F13A1: variants seen among roughly 807,000 people sequenced by gnomAD.
F13A1 encodes coagulation factor XIII A chain, also known as FSF, A subunit.
In F13A1, 47 loss-of-function variants were observed where a neutral mutation model predicts 80.1. The observed-to-expected ratio is 0.59, with a 90% CI of 0.46 to 0.75. F13A1 has a LOEUF of 0.75. F13A1 is among the 30% of genes least tolerant of loss of function. The probability of loss-of-function intolerance (pLI) is 0.00; values close to 1 mark genes in which losing one functional copy is unlikely to be tolerated. For synonymous variants in F13A1, 349 were observed against 344.9 expected (o/e 1.01, Z -0.13); for missense variants, 817 against 930.4 (o/e 0.88, Z 1.59).
intron 3 of F13A1, among the ~76,000 whole-genome samples, chr6:6,283,598 TA>T (rs1471970367): frequency 6.6e-6 from 1 of 152,000 alleles, no homozygotes; most frequent in Non-Finnish European, 1.5e-5. Context: ...TTTCGAAATT[TA>T]AAAAAAACTT....
At chr6:6,164,804 TCTC>T (rs1471192600) in intron 13 of F13A1, among the ~76,000 whole-genome samples, 1 of 141,360 alleles carries the variant, frequency 7.1e-6, no homozygotes, top group Non-Finnish European at 1.5e-5. Context: ...TCCTCTGTTC[TCTC>T]CTCTCCCCTC....
chr6:6,311,936 T>G (rs1292545631), intron 2 of F13A1, among the ~76,000 whole-genome samples: 1 of 147,534 alleles, frequency 6.8e-6, no homozygotes, highest in Non-Finnish European at 1.5e-5. Context: ...AATATATAGT[T>G]TTTATATATT....
At position 6,195,945 on chromosome 6, in the gene F13A1, G is replaced by A; in HGVS notation, c.1217-60C>T. On this transcript the variant is annotated intron_variant, in intron 9 of 14. Transcript: ENST00000264870. ...TCATCTCCAATTCTGTCCAGATACT[G>A]CAAGATTCATGGCACTGAGGGTGAC... The A allele has an allele frequency of 4.1e-6, 6 of 1,471,446 alleles. No individual in the cohort carries two copies. In the Admixed American group the frequency reaches 5.1e-5, roughly 12 times the overall value. The allele number at this position is 1,471,446 out of a possible 1,614,324, so 91.1% of individuals were successfully genotyped here.
At chr6:6,294,491 A>C (rs1244448182) in intron 3 of F13A1, among the ~76,000 whole-genome samples, 2 of 151,926 alleles carry the variant, frequency 1.3e-5, no homozygotes. Context: ...ATACTTAAAT[A>C]AACTCCCCTT....
chr6:6,300,999 C>T (rs57984581), intron 3 of F13A1, among the ~76,000 whole-genome samples: 8,496 of 152,188 alleles, frequency 0.056, 621 homozygotes, highest in African/African-American at 0.17. Flanking sequence ...TAAACCATCA[C>T]TTTTACCTTC....
intron 3 of F13A1, among the ~76,000 whole-genome samples, chr6:6,279,391 A>G (rs1758031185): frequency 6.6e-6 from 1 of 152,222 alleles, no homozygotes; most frequent in Admixed American, 6.5e-5. Context: ...GTTATAAACC[A>G]AACTGCATAC....
chr6:6,218,141 T>A (rs1180773009), intron 8 of F13A1, among the ~76,000 whole-genome samples: 6 of 152,218 alleles, frequency 3.9e-5, no homozygotes, highest in Non-Finnish European at 7.3e-5. Flanking sequence ...CAGGGAGGCT[T>A]CTTCATTTAG....
chr6:6,155,814 G>A (rs986484405), intron 13 of F13A1, among the ~76,000 whole-genome samples: 3 of 152,210 alleles, frequency 2.0e-5, no homozygotes, highest in African/African-American at 7.2e-5. Flanking sequence ...TATTTGGGGA[G>A]AAAATATCTG....
intron 2 of F13A1, among the ~76,000 whole-genome samples, chr6:6,311,515 C>T (rs1453304068): frequency 2.2e-5 from 2 of 90,590 alleles, no homozygotes; most frequent in Non-Finnish European, 4.2e-5. Context: ...GAATAGAAAA[C>T]CTAAGTCAAA....
At chr6:6,305,077 T>G in intron 3 of F13A1, 10 of 479,306 alleles carry the variant, frequency 2.1e-5, no homozygotes, top group East Asian at 4.0e-5. Flanking sequence ...GCCAAAACCA[T>G]TTGTTTGAGG....
chr6:6,145,872 C>T (rs912969447), intron 14 of F13A1, 100 bp from the exon 15 acceptor site: 9 of 1,524,410 alleles, frequency 5.9e-6, no homozygotes, highest in African/African-American at 1.4e-5. Flanking sequence ...CTTTCTTTCT[C>T]TCAGTTGGTG....
chr6:6,151,824 C>T lies in F13A1; in HGVS notation c.2034G>A (p.Lys678=). The T allele has an allele frequency of 6.2e-7, 1 of 1,614,070 alleles. No individual in the cohort carries two copies. The highest frequency in any genetic ancestry group is 8.5e-7 in the Non-Finnish European group (1 of 1,179,956). The change falls in exon 14 of 15, where the codon AAG becomes AAA. Residue 678 remains lysine (K), a synonymous_variant. Transcript: ENST00000264870. ...LDGPGVTRPM[K]KMFREIRPNS... ...AACCCAAGGTTTACCGGAACATCTTCTTCATTGGTCTTGTTACTCCAGGAC... is the reference window on the plus strand; with the variant it reads ...AACCCAAGGTTTACCGGAACATCTTTTTCATTGGTCTTGTTACTCCAGGAC...
At chr6:6,271,646 A>G (rs2113130452) in intron 3 of F13A1, among the ~76,000 whole-genome samples, 1 of 152,370 alleles carries the variant, frequency 6.6e-6, no homozygotes, top group Non-Finnish European at 1.5e-5. Flanking sequence ...TTGGACTACT[A>G]AACATGAGGA....
At chr6:6,239,522 C>T (rs150150192) in intron 6 of F13A1, among the ~76,000 whole-genome samples, 65 of 152,144 alleles carry the variant, frequency 4.3e-4, no homozygotes, top group East Asian at 3.9e-3. Flanking sequence ...ATATAACTAC[C>T]GATATATGAA....
At chr6:6,178,963 G>A (rs969037840) in intron 11 of F13A1, among the ~76,000 whole-genome samples, 1 of 152,238 alleles carries the variant, frequency 6.6e-6, no homozygotes, top group Non-Finnish European at 1.5e-5. Context: ...AATCAGGACA[G>A]AGTGTGCGCG....
intron 6 of F13A1, among the ~76,000 whole-genome samples, chr6:6,241,355 C>G (rs1005033381): frequency 6.6e-6 from 1 of 152,114 alleles, no homozygotes; most frequent in East Asian, 1.9e-4. Context: ...AAAGTGACAC[C>G]GAATCATATT....
Position 6,246,579 on chromosome 6 carries a change from T to C in F13A1, c.798+1733A>G, listed in dbSNP as rs114107339. The stretch of plus-strand genomic sequence containing the variant: ...TTAAATCTTTTAATTGGGATATAAA[T>C]TTTCAAACTTAGAACTTCATAGGCT... On this transcript the variant is annotated intron_variant, in intron 6 of 14. Transcript: ENST00000264870. Among the ~76,000 whole-genome samples the C allele has an allele frequency of 7.8e-3, 1,183 of 152,346 alleles. 13 individuals are homozygous for C. The highest frequency in any genetic ancestry group is 0.027 in the African/African-American group (1,133 of 41,586).
intron 14 of F13A1, among the ~76,000 whole-genome samples, chr6:6,146,853 GCA>G (rs1297630725): frequency 6.6e-6 from 1 of 152,144 alleles, no homozygotes; most frequent in African/African-American, 2.4e-5. Flanking sequence ...TAAGATATTT[GCA>G]CACACATATT....
chr6:6,318,600 G>T lies in F13A1; in HGVS notation c.65C>A (p.Ala22Glu). ...RRAVPPNNSNAAEDDLPTVEL... is the reference protein window; with the variant it reads ...RRAVPPNNSNEAEDDLPTVEL... ...CACTGTGGGCAGGTCATCTTCCGCT[G>T]CATTAGAGTTATTGGGTGGAACTGC... is the stretch of plus-strand genomic sequence containing the variant. The change falls in exon 2 of 15, where the codon GCA becomes GAA. Residue 22 changes from alanine to glutamate, a missense_variant. Ala to Glu is a moderately radical substitution (Grantham distance 107). Coordinates refer to ENST00000264870, the MANE Select transcript of F13A1 (RefSeq NM_000129.4). 1 of 1,613,618 alleles carries T rather than the reference G, an allele frequency of 6.2e-7. No homozygotes were observed. Among genetic ancestry groups the T allele is most frequent in the Non-Finnish European group, 8.5e-7 (1 of 1,179,952 alleles).
Sources: allele counts gnomAD v4.1 joint callset (sites outside exome capture counted in the v4.1 genomes callset), GRCh38; gene constraint gnomAD v4.1.1; transcripts MANE v1.5; gene names NCBI Gene and HGNC (gene_info 2026-07-23, HGNC 2026-07-21).